Variants in PKDCC observed in about 807,000 individuals in gnomAD.
PKDCC encodes the protein extracellular tyrosine-protein kinase PKDCC.
Under a neutral mutation model 44.7 loss-of-function variants are expected in PKDCC, and 35 were observed. The ratio of observed to expected loss-of-function variants is 0.78; its 90% CI spans 0.60 to 1.04. The LOEUF is 1.04. Ranked by LOEUF, PKDCC falls within the 50% of genes least tolerant of loss-of-function variation. The pLI is 0.00. For synonymous variants in PKDCC, 353 were observed against 303.3 expected, an observed-to-expected ratio of 1.16 and a Z score of -1.70; for missense variants, 738 against 672.7, an observed-to-expected ratio of 1.10 and a Z score of -1.07.
intron 2 of PKDCC, 139 bp downstream of exon 2, chr2:42,053,500 C>A: frequency 8.2e-7 from 1 of 1,226,328 alleles, no homozygotes; most frequent in Non-Finnish European, 1.1e-6. Context: ...CTGACTCAGC[C>A]ACCGGCCAAA....
Position 42,048,957 on chromosome 2 carries a change from A to G in PKDCC, c.639+119A>G. ...CCAGTGACTGCACCCAGGCTAAGCT[A>G]GACGCAGAAACCGGACCATGGCCCT... On this transcript the variant is annotated intron_variant, in intron 1 of 6. Transcript: ENST00000294964. The surrounding 1 kb of genome is among the most constrained non-coding windows in gnomAD (Gnocchi z 6.2). 7.6e-7 allele frequency: 1 copy of G among 1,315,296 alleles called. No homozygotes were observed. The highest frequency in any genetic ancestry group is 9.7e-7 in the Non-Finnish European group (1 of 1,027,728). The allele number at this position is 1,315,296 out of a possible 1,614,324, so 81.5% of individuals were successfully genotyped here.
At position 42,053,962 on chromosome 2, in the gene PKDCC, G is replaced by A. The variant is rs1264090290; in HGVS notation, c.763-74G>A. On this transcript the variant is annotated intron_variant, in intron 2 of 6. Transcript: ENST00000294964. ...ACAAGCAAAGTTCAGATTCCAAGAG[G>A]AGGGTGCCCTCGAGTCCCACAGACC... 1.9e-6 allele frequency: 3 copies of A among 1,538,690 alleles called. No individual in the cohort carries two copies. In the African/African-American group the frequency reaches 4.1e-5, roughly 21 times the overall value.
chr2:42,057,222 G>A lies in PKDCC; in HGVS notation c.1224G>A (p.Glu408=). The part of the protein sequence containing the change: ...LQNSTASSST[E]YQCIPDSTIP... ...TTTTACTCCATCCCCAACCCACAGA[G>A]TACCAGTGTATCCCAGACAGCACCA... The change falls in exon 6 of 7, where the codon GAG becomes GAA. Residue 408 remains glutamate (E), a splice_region_variant and synonymous_variant. Coordinates refer to ENST00000294964, the MANE Select transcript of PKDCC (RefSeq NM_138370.3). 6.2e-7 allele frequency: 1 copy of A among 1,614,172 alleles called. No homozygotes were observed. The highest frequency in any genetic ancestry group is 8.5e-7 in the Non-Finnish European group (1 of 1,180,008).
Position 42,048,867 on chromosome 2 carries a change from G to A in PKDCC, c.639+29G>A, listed in dbSNP as rs142467928. 6.1e-5 allele frequency: 89 copies of A among 1,453,364 alleles called. No homozygotes were observed. The African/African-American group carries it at 1.2e-3, about 19-fold the overall frequency. The allele number at this position is 1,453,364 out of a possible 1,614,324, so 90.0% of individuals were successfully genotyped here. A position where few individuals can be genotyped will look rare whatever the true frequency, so the allele number is the denominator to read the frequency against. ...CGAGGGTGGGGACGCGGGGGTAACG[G>A]TGTTGGCTGGGAGTGCCCAAGACCT... is the stretch of plus-strand genomic sequence containing the variant. On this transcript the variant is annotated intron_variant, in intron 1 of 6. Transcript: ENST00000294964. The surrounding 1 kb of genome is among the most constrained non-coding windows in gnomAD (Gnocchi z 6.2).
intron 1 of PKDCC, among the ~76,000 whole-genome samples, chr2:42,049,363 A>G (rs968175323): frequency 1.3e-5 from 2 of 152,090 alleles, no homozygotes; most frequent in African/African-American, 4.8e-5. Flanking sequence ...TGATTCCTAT[A>G]GAGTCTCCCC....
intron 2 of PKDCC, 135 bp downstream of exon 2, chr2:42,053,496 C>A: frequency 8.1e-7 from 1 of 1,239,294 alleles, no homozygotes; most frequent in Non-Finnish European, 1.1e-6. Flanking sequence ...CAGGCTGACT[C>A]AGCCACCGGC....
In PKDCC at chr2:42,051,428, T is replaced by C. The variant is rs1341714090; in HGVS notation, c.640-1811T>C. Among the ~76,000 whole-genome samples, 2 of 151,778 alleles carry C rather than the reference T, an allele frequency of 1.3e-5. No homozygotes were observed. Among genetic ancestry groups the C allele is most frequent in the African/African-American group, 2.4e-5 (1 of 41,274 alleles). The stretch of plus-strand genomic sequence containing the variant: ...CAGATTCTGGCCCTGCTAGAGTATA[T>C]TTCTTCTCCCAACCAAACAAAAGAT... On this transcript the variant is annotated intron_variant, in intron 1 of 6. Transcript: ENST00000294964. The surrounding 1 kb of genome is among the most constrained non-coding windows in gnomAD (Gnocchi z 4.2).
rs1339999687 is a variant in PKDCC at position 42,054,236 on chromosome 2, C to G, written c.963C>G (p.Phe321Leu). 1.6e-5 allele frequency: 25 copies of G among 1,604,272 alleles called. No homozygotes were observed. The highest frequency in any genetic ancestry group is 2.0e-5 in the Non-Finnish European group (24 of 1,175,072). ...TACTCGAGTTTCCGGCCAGGAACTT[C>G]ACCCTGCCCTGCTCAGCCCAGGGCT... ...DCILEFPARN[F>L]TLPCSAQGWC... The change falls in exon 3 of 7, where the codon TTC (phenylalanine) becomes TTG (leucine). Residue 321 changes from phenylalanine (F) to leucine (L), a missense_variant. By Grantham distance (22) the Phe-to-Leu change is conservative. Transcript: ENST00000294964. This position sits in a 1 kb window ranked among gnomAD's most constrained non-coding sequence, Gnocchi z 6.1.
chr2:42,051,998 C>T lies in PKDCC; in HGVS notation c.640-1241C>T, dbSNP rs1277940510. Among the ~76,000 whole-genome samples the T allele has an allele frequency of 6.6e-6, 1 of 152,178 alleles. No homozygotes were observed. Among genetic ancestry groups the T allele is most frequent in the East Asian group, 1.9e-4 (1 of 5,180 alleles). On this transcript the variant is annotated intron_variant, in intron 1 of 6. Coordinates refer to ENST00000294964, the MANE Select transcript of PKDCC (RefSeq NM_138370.3). This position sits in a 1 kb window ranked among gnomAD's most constrained non-coding sequence, Gnocchi z 4.2. ...CACAGGGTGCTGGTTGTTTTGAGCA[C>T]CATACGAGCCCCTAGCTGCTGTGGA...
chr2:42,057,436 C>G, intron 6 of PKDCC, 42 bp downstream of exon 6: 1 of 1,611,478 alleles, frequency 6.2e-7, no homozygotes, highest in African/African-American at 1.3e-5. Flanking sequence ...GATGGCAGGA[C>G]CTCTCTGGAG....
intron 1 of PKDCC, among the ~76,000 whole-genome samples, 176 bp from the exon 2 acceptor site, chr2:42,053,063 G>T (rs553604333): frequency 6.6e-6 from 1 of 152,230 alleles, no homozygotes; most frequent in Admixed American, 6.5e-5. Flanking sequence ...TAGGAAGTCT[G>T]ACTGCAGGGA....
rs530404451 is a variant in PKDCC, at chr2:42,057,918, G to A, written c.*230G>A. ...TGCTGGCTCCTAGTCCAGGAATCAT[G>A]GGGGTATGACTGCCTCTCCAACCCT... On this transcript the variant is annotated 3_prime_UTR_variant, in exon 7 of 7. Coordinates refer to ENST00000294964, the MANE Select transcript of PKDCC (RefSeq NM_138370.3). 67 of 559,412 alleles carry A rather than the reference G, an allele frequency of 1.2e-4. No individual in the cohort carries two copies. The highest frequency in any genetic ancestry group is 2.0e-4 in the Non-Finnish European group (63 of 312,770). The allele number at this position is 559,412 out of a possible 1,614,324, so 34.7% of individuals were successfully genotyped here. A position where few individuals can be genotyped will look rare whatever the true frequency, so the allele number is the denominator to read the frequency against.
In PKDCC at chr2:42,054,787, C is replaced by G. The variant is rs79399309; in HGVS notation, c.1035-154C>G. 1 of 748,848 alleles carries G rather than the reference C, an allele frequency of 1.3e-6. No homozygotes were observed. Among genetic ancestry groups the G allele is most frequent in the Non-Finnish European group, 2.4e-6 (1 of 417,264 alleles). The allele number at this position is 748,848 out of a possible 1,614,324, so 46.4% of individuals were successfully genotyped here. A position where few individuals can be genotyped will look rare whatever the true frequency, so the allele number is the denominator to read the frequency against. ...TTAGCATGTGCCCAGAACCCTCCCC[C>G]GAGGCTGAGTAGACTTCACTGCGTT... On this transcript the variant is annotated intron_variant, in intron 3 of 6. Transcript: ENST00000294964. The surrounding 1 kb of genome is among the most constrained non-coding windows in gnomAD (Gnocchi z 6.1).
rs1190021738 is a variant in PKDCC at position 42,054,932 on chromosome 2, C to G, written c.1035-9C>G. The stretch of plus-strand genomic sequence containing the variant: ...GGATTCCTGAGCCACTGGTTTCCCT[C>G]TGCCACAGGTTTTTCTTCACATACC... On this transcript the variant is annotated splice_polypyrimidine_tract_variant and intron_variant, in intron 3 of 6. Coordinates refer to ENST00000294964, the MANE Select transcript of PKDCC (RefSeq NM_138370.3). This position sits in a 1 kb window ranked among gnomAD's most constrained non-coding sequence, Gnocchi z 6.1. 1.9e-6 allele frequency: 3 copies of G among 1,611,926 alleles called. No homozygotes were observed. The highest frequency in any genetic ancestry group is 2.5e-6 in the Non-Finnish European group (3 of 1,178,128).
At position 42,057,625 on chromosome 2, in the gene PKDCC, G is replaced by C; in HGVS notation, c.1419G>C (p.Lys473Asn). ...TWTGRQLVFF[K>N]TGWSQVVPDP... is the part of the protein sequence containing the mutation. ...CAGGTCGGCAGCTGGTCTTTTTCAA[G>C]ACTGGATGGAGCCAAGTGGTCCCTG... is the stretch of plus-strand genomic sequence containing the variant. Residue 473 changes from lysine (K) to asparagine (N), a missense_variant, in exon 7 of 7, where the codon AAG becomes AAC. Lys to Asn is a moderately conservative substitution (Grantham distance 94). Coordinates refer to ENST00000294964, the MANE Select transcript of PKDCC (RefSeq NM_138370.3). 1.2e-6 allele frequency: 2 copies of C among 1,613,964 alleles called. No homozygotes were observed. The highest frequency in any genetic ancestry group is 1.1e-5 in the South Asian group (1 of 91,042).
intron 2 of PKDCC, chr2:42,053,653 T>A: frequency 3.8e-6 from 2 of 524,738 alleles, no homozygotes; most frequent in Non-Finnish European, 6.7e-6. Context: ...ACACTCAGCC[T>A]GACTGCAGGA....
intron 2 of PKDCC, among the ~76,000 whole-genome samples, 180 bp from the exon 3 acceptor site, chr2:42,053,856 A>C (rs112048248): frequency 6.6e-6 from 1 of 152,242 alleles, no homozygotes; most frequent in Non-Finnish European, 1.5e-5. Context: ...GTTAATAGAA[A>C]ATCACTGGCC....
At chr2:42,050,875 T>C (rs1353069495) in intron 1 of PKDCC, among the ~76,000 whole-genome samples, 2 of 152,174 alleles carry the variant, frequency 1.3e-5, no homozygotes, top group Non-Finnish European at 2.9e-5. Flanking sequence ...TCTGGCCTCC[T>C]AAACACGGCC....
intron 2 of PKDCC, 139 bp from the exon 3 acceptor site, chr2:42,053,897 G>A: frequency 1.9e-6 from 2 of 1,063,738 alleles, no homozygotes; most frequent in Non-Finnish European, 2.7e-6. Context: ...CTTGGCCTTT[G>A]TGGAGCCCTG....
Sources: allele counts gnomAD v4.1 joint callset (sites outside exome capture counted in the v4.1 genomes callset), GRCh38; gene constraint gnomAD v4.1.1; non-coding constraint Gnocchi (gnomAD v3.1); transcripts MANE v1.5; gene names NCBI Gene and HGNC (gene_info 2026-07-23, HGNC 2026-07-21).